Variants in CLEC19A observed in about 807,000 individuals in gnomAD.
CLEC19A encodes the protein C-type lectin domain family 19 member A.
CLEC19A carries 21 observed loss-of-function variants against 26.1 expected under a neutral mutation model. That is an observed-to-expected ratio of 0.80 (90% CI 0.57 to 1.16). CLEC19A has a LOEUF of 1.16. CLEC19A is among the 50% of genes most tolerant of loss of function. CLEC19A has a pLI of 0.00. For missense variants in CLEC19A, 224 were observed against 227.6 expected, an observed-to-expected ratio of 0.98 and a Z score of 0.10; for synonymous variants, 89 against 88.6, an observed-to-expected ratio of 1.00 and a Z score of -0.03.
chr16:19,288,704 T>A (rs1897521745), intron 1 of CLEC19A, among the ~76,000 whole-genome samples: 1 of 152,208 alleles, frequency 6.6e-6, no homozygotes, highest in African/African-American at 2.4e-5. Flanking sequence ...CTCAGAACAG[T>A]GTCTGGCACC....
rs543364370 is a variant in CLEC19A, at chr16:19,298,288, C to T, written c.89-385C>T. 2.2e-3 allele frequency among the ~76,000 whole-genome samples: 329 copies of T among 150,242 alleles called. 2 individuals are homozygous for T. The highest frequency in any genetic ancestry group is 7.7e-3 in the African/African-American group (315 of 40,930). ...TGTACAGGCAGGGCTCGGTGGCTCA[C>T]GCCTGCAATCCCAGCACTTTGGGAG... On this transcript the variant is annotated intron_variant, in intron 1 of 4. Transcript: ENST00000636231.
intron 4 of CLEC19A, 61 bp from the exon 5 acceptor site, chr16:19,308,943 G>A: frequency 2.2e-6 from 3 of 1,340,720 alleles, no homozygotes; most frequent in Non-Finnish European, 2.1e-6. Flanking sequence ...AGGAGTGGTG[G>A]GGTTACTTTT....
chr16:19,287,963 C>A (rs1180531894), intron 1 of CLEC19A, among the ~76,000 whole-genome samples: 1 of 152,206 alleles, frequency 6.6e-6, no homozygotes, highest in South Asian at 2.1e-4. Context: ...TTCTGAACAT[C>A]AGTCCCCAAG....
chr16:19,295,616 G>C (rs1897690732), intron 1 of CLEC19A, among the ~76,000 whole-genome samples: 1 of 152,106 alleles, frequency 6.6e-6, no homozygotes, highest in Non-Finnish European at 1.5e-5. Context: ...AGGACACGTG[G>C]GAGTGAGAAA....
intron 1 of CLEC19A, among the ~76,000 whole-genome samples, chr16:19,290,736 C>A (rs753609990): frequency 1.8e-4 from 27 of 152,352 alleles, no homozygotes; most frequent in Non-Finnish European, 3.1e-4. Flanking sequence ...CAGCCAGTTT[C>A]TAAAATAATC....
intron 2 of CLEC19A, 25 bp from the exon 3 acceptor site, chr16:19,304,036 AG>A: frequency 6.5e-7 from 1 of 1,526,804 alleles, no homozygotes; most frequent in Admixed American, 2.0e-5. Flanking sequence ...ATGAGGAATC[AG>A]CTACTATTAT....
chr16:19,307,741 C>A, intron 4 of CLEC19A, 64 bp downstream of exon 4: 2 of 1,534,108 alleles, frequency 1.3e-6, no homozygotes, highest in Non-Finnish European at 1.8e-6. Flanking sequence ...GTGGGGAGAG[C>A]GGAGAAGGGC....
intron 2 of CLEC19A, among the ~76,000 whole-genome samples, chr16:19,299,047 T>C (rs1897763322): frequency 6.6e-6 from 1 of 152,240 alleles, no homozygotes; most frequent in African/African-American, 2.4e-5. Flanking sequence ...ACTGGGATTA[T>C]AGGCATAAGC....
rs1439629496 is a variant in CLEC19A at position 19,307,613 on chromosome 16, T to A, written c.417T>A (p.Asp139Glu). The A allele has an allele frequency of 6.5e-7, 1 of 1,548,350 alleles. No individual in the cohort carries two copies. The highest frequency in any genetic ancestry group is 2.4e-5 in the East Asian group (1 of 40,896). Residue 139 changes from aspartate to glutamate, a missense_variant, in exon 4 of 5, where the codon GAT becomes GAA. Asp to Glu is a conservative substitution (Grantham distance 45). Coordinates refer to ENST00000636231, the MANE Select transcript of CLEC19A (RefSeq NM_001256720.2). ...GCTACTGGGATGGCAGCCAGCCAGA[T>A]GATGGCGTCCACGCGGACCCAGAAG... ...DYSYWDGSQPDDGVHADPEEE... is the reference protein window; with the variant it reads ...DYSYWDGSQPEDGVHADPEEE...
At chr16:19,295,820 G>A (rs972350967) in intron 1 of CLEC19A, among the ~76,000 whole-genome samples, 3 of 152,324 alleles carry the variant, frequency 2.0e-5, no homozygotes, top group Middle Eastern at 6.8e-3. Flanking sequence ...CAGCGATTCA[G>A]TAGAGCCTTT....
chr16:19,307,406 G>A (rs2143011385), intron 3 of CLEC19A, 139 bp from the exon 4 acceptor site: 1 of 869,124 alleles, frequency 1.2e-6, no homozygotes, highest in Non-Finnish European at 1.7e-6. Context: ...GTGCCAGATA[G>A]CAGTAGCCTC....
chr16:19,307,497 T>G, intron 3 of CLEC19A, 48 bp from the exon 4 acceptor site: 1 of 1,543,472 alleles, frequency 6.5e-7, no homozygotes, highest in Non-Finnish European at 8.7e-7. Context: ...AAATGCCTGA[T>G]CTTCTTCTTG....
At position 19,309,108 on chromosome 16, in the gene CLEC19A, GCTCAACT is replaced by G. The variant is rs1361553078; in HGVS notation, c.*28_*34del. ...ATCCTGTCTTGTCCTACTGGTGTGAGCTCAACTCTAGTATCATCTTGTAGCTGTAACC... is the reference window on the plus strand; with the variant it reads ...ATCCTGTCTTGTCCTACTGGTGTGAGCTAGTATCATCTTGTAGCTGTAACC... On this transcript the variant is annotated 3_prime_UTR_variant, in exon 5 of 5. Coordinates refer to ENST00000636231, the MANE Select transcript of CLEC19A (RefSeq NM_001256720.2). 1.3e-6 allele frequency: 2 copies of G among 1,504,938 alleles called. No homozygotes were observed. The highest frequency in any genetic ancestry group is 2.8e-5 in the African/African-American group (2 of 72,230). 93.2% of individuals were successfully genotyped at this position (1,504,938 alleles called of 1,614,324 possible).
At position 19,304,172 on chromosome 16, in the gene CLEC19A, C is replaced by T. The variant is rs1046940285; in HGVS notation, c.348+17C>T. The T allele has an allele frequency of 6.5e-7, 1 of 1,545,056 alleles. No individual in the cohort carries two copies. ...CACAGACAGGTGAGAAAGCAGTGGCCATTGGGCCCCCTTGGAAGCTCCAGC... is the reference window on the plus strand; with the variant it reads ...CACAGACAGGTGAGAAAGCAGTGGCTATTGGGCCCCCTTGGAAGCTCCAGC... On this transcript the variant is annotated intron_variant, in intron 3 of 4. Transcript: ENST00000636231.
intron 1 of CLEC19A, among the ~76,000 whole-genome samples, chr16:19,288,999 G>A (rs7202244): frequency 0.057 from 8,736 of 152,200 alleles, 855 homozygotes; most frequent in African/African-American, 0.2. Context: ...ACTTACTAGA[G>A]TCTCTACCTC....
intron 3 of CLEC19A, among the ~76,000 whole-genome samples, chr16:19,304,562 G>A (rs1308774147): frequency 3.9e-5 from 6 of 152,120 alleles, no homozygotes; most frequent in Non-Finnish European, 7.4e-5. Context: ...TTAGCTGGGC[G>A]CTGTTGTGGG....
chr16:19,293,316 A>G (rs906540916), intron 1 of CLEC19A, among the ~76,000 whole-genome samples: 2 of 152,154 alleles, frequency 1.3e-5, no homozygotes, highest in African/African-American at 4.8e-5. Flanking sequence ...AAAGGAAAAC[A>G]CTGAGTAACG....
chr16:19,302,479 C>A (rs540332226), intron 2 of CLEC19A, among the ~76,000 whole-genome samples: 4 of 152,272 alleles, frequency 2.6e-5, no homozygotes, highest in South Asian at 4.1e-4. Flanking sequence ...CTGATGGGAG[C>A]AGATACATGT....
chr16:19,304,961 G>A (rs1897920066), intron 3 of CLEC19A: 1 of 152,446 alleles, frequency 6.6e-6, no homozygotes, highest in Non-Finnish European at 1.5e-5. Context: ...CTGGAATCCT[G>A]CACTGGGCAG....
Sources: gnomAD v4.1 joint callset for allele counts (sites outside exome capture counted in the v4.1 genomes callset) on GRCh38, gnomAD v4.1.1 for gene constraint, MANE v1.5 for transcripts, NCBI Gene and HGNC (gene_info 2026-07-23, HGNC 2026-07-21) for gene names.